The following CHD1L variants were observed in gnomAD, a reference collection of about 807,000 sequenced individuals.
CHD1L encodes chromodomain helicase DNA binding protein 1 like.
Under a neutral mutation model 115.9 loss-of-function variants are expected in CHD1L, and 118 were observed. The observed-to-expected ratio is 1.02, with a 90% confidence interval of 0.88 to 1.19. CHD1L has a LOEUF of 1.19. Among genes scored for constraint, CHD1L ranks in the 50% most tolerant of loss-of-function variants. The probability of loss-of-function intolerance (pLI) is 0.00; values close to 1 mark genes in which losing one functional copy is unlikely to be tolerated. For missense variants in CHD1L, 1,179 were observed against 1,065.3 expected (o/e 1.11, Z -1.49); for synonymous variants, 411 against 387.1 (o/e 1.06, Z -0.72).
At position 147,260,161 on chromosome 1, in the gene CHD1L, C is replaced by A. The variant is rs587594183; in HGVS notation, c.576+243C>A. The A allele has an allele frequency of 2.0e-5, 7 of 357,854 alleles. No individual in the cohort carries two copies. The East Asian group carries it at 3.1e-4, about 16-fold the overall frequency. The allele number at this position is 357,854 out of a possible 1,614,324, so 22.2% of individuals were successfully genotyped here. ...CTGATGAACCTACATTGATACATCGCTATCACTCAAAGTCCATAGTTTACA... is the reference window on the plus strand; with the variant it reads ...CTGATGAACCTACATTGATACATCGATATCACTCAAAGTCCATAGTTTACA... On this transcript the variant is annotated intron_variant, in intron 6 of 22. Transcript: ENST00000369258.
chr1:147,233,216 C>T, the CHD1L span, among the ~76,000 whole-genome samples: 71,423 of 150,058 alleles, frequency 0.48, 18,316 homozygotes, highest in East Asian at 0.72. Flanking sequence ...GGAGACCCTC[C>T]GCCTGGCAAC....
chr1:147,268,221 T>C (rs1553950038), intron 9 of CHD1L, among the ~76,000 whole-genome samples: 2 of 152,184 alleles, frequency 1.3e-5, no homozygotes, highest in Non-Finnish European at 2.9e-5. Flanking sequence ...TTTTGATGTG[T>C]GGTGTTTTTG....
the CHD1L span, among the ~76,000 whole-genome samples, chr1:147,216,263 G>A: frequency 6.6e-6 from 1 of 152,186 alleles, no homozygotes; most frequent in East Asian, 1.9e-4. Context: ...CAACTACCAT[G>A]AGACCACCAT....
chr1:147,214,516 A>G, the CHD1L span, among the ~76,000 whole-genome samples: 3 of 151,620 alleles, frequency 2.0e-5, no homozygotes, highest in Admixed American at 1.3e-4. Context: ...GCAATCCAGC[A>G]CTATTTATAG....
chr1:147,256,935 T>A (rs1553940887), intron 5 of CHD1L, among the ~76,000 whole-genome samples: 2 of 152,242 alleles, frequency 1.3e-5, no homozygotes. Context: ...TTGGAGAGTT[T>A]GCTGTAATAC....
chr1:147,286,546 G>A (rs782717089), intron 18 of CHD1L, 46 bp downstream of exon 18: 2 of 1,579,092 alleles, frequency 1.3e-6, no homozygotes, highest in Non-Finnish European at 1.7e-6. Flanking sequence ...CAGTCCTTAT[G>A]GTGCCAAGAA....
the CHD1L span, among the ~76,000 whole-genome samples, chr1:147,234,897 T>A: frequency 4.6e-5 from 7 of 152,158 alleles, no homozygotes; most frequent in Non-Finnish European, 1.0e-4. Context: ...TATACTAGGG[T>A]AAATCACATC....
At chr1:147,172,758 G>C in the CHD1L span, 23 of 152,472 alleles carry the variant, frequency 1.5e-4, no homozygotes, top group African/African-American at 5.5e-4. Flanking sequence ...TAATAGGAGC[G>C]CTTGGCCTCT....
chr1:147,177,942 G>T, the CHD1L span, among the ~76,000 whole-genome samples: 2 of 152,160 alleles, frequency 1.3e-5, no homozygotes, highest in African/African-American at 2.4e-5. Context: ...ACAACGATTA[G>T]AGGACACTAA....
chr1:147,233,156 G>A, the CHD1L span, among the ~76,000 whole-genome samples: 131 of 151,366 alleles, frequency 8.7e-4, no homozygotes, highest in African/African-American at 2.9e-3. Flanking sequence ...CTGCGACCCC[G>A]TCTGGGAGGT....
At chr1:147,176,799 G>T in the CHD1L span, among the ~76,000 whole-genome samples, 1 of 151,888 alleles carries the variant, frequency 6.6e-6, no homozygotes. Flanking sequence ...TTTGATGTAG[G>T]GCAAGTACTT....
At chr1:147,191,956 C>T in the CHD1L span, among the ~76,000 whole-genome samples, 6 of 152,144 alleles carry the variant, frequency 3.9e-5, no homozygotes, top group African/African-American at 1.4e-4. Flanking sequence ...ATGCCTCCAG[C>T]TTTGTTCTTT....
the CHD1L span, chr1:147,225,044 T>G: frequency 2.5e-6 from 4 of 1,614,094 alleles, no homozygotes; most frequent in Non-Finnish European, 2.5e-6. Flanking sequence ...TCCCGAGATC[T>G]TCACCTGTTA....
chr1:147,247,030 A>G (rs1666841540), intron 1 of CHD1L, among the ~76,000 whole-genome samples: 1 of 152,032 alleles, frequency 6.6e-6, no homozygotes, highest in Non-Finnish European at 1.5e-5. Context: ...TTTCATTTTT[A>G]TTTAGTTCAG....
chr1:147,265,545 G>A, intron 7 of CHD1L, among the ~76,000 whole-genome samples: 1 of 152,158 alleles, frequency 6.6e-6, no homozygotes, highest in East Asian at 1.9e-4. Flanking sequence ...ATCCAGCTGT[G>A]TGACTTTGGA....
chr1:147,178,237 A>G, the CHD1L span: 2 of 1,613,632 alleles, frequency 1.2e-6, no homozygotes, highest in South Asian at 2.2e-5. Flanking sequence ...CATCTCCGAC[A>G]CGGGCTCTGC....
At chr1:147,222,199 A>G in the CHD1L span, among the ~76,000 whole-genome samples, 1 of 152,126 alleles carries the variant, frequency 6.6e-6, no homozygotes, top group African/African-American at 2.4e-5. Context: ...GTGAAACCCC[A>G]TCTTTACTAA....
the CHD1L span, among the ~76,000 whole-genome samples, chr1:147,197,506 T>C: frequency 6.6e-6 from 1 of 151,986 alleles, no homozygotes; most frequent in Non-Finnish European, 1.5e-5. Flanking sequence ...TGGTGGGAGG[T>C]GATTTAATCA....
chr1:147,282,462 C>T (rs1326284344), intron 15 of CHD1L, among the ~76,000 whole-genome samples: 4 of 152,166 alleles, frequency 2.6e-5, no homozygotes, highest in Non-Finnish European at 5.9e-5. Flanking sequence ...CTCTAGACTC[C>T]TAATGAGCCC....
Sources: allele counts gnomAD v4.1 joint callset (sites outside exome capture counted in the v4.1 genomes callset), GRCh38; gene constraint gnomAD v4.1.1; transcripts MANE v1.5; gene names NCBI Gene and HGNC (gene_info 2026-07-23, HGNC 2026-07-21).